Variants in MAML3 observed in about 807,000 individuals in gnomAD.
MAML3 encodes the protein mastermind like transcriptional coactivator 3, also known as mastermind-like protein 3.
MAML3 carries 27 observed loss-of-function variants against 101.9 expected under a neutral mutation model. The ratio of observed to expected loss-of-function variants is 0.27; its 90% confidence interval spans 0.20 to 0.37. MAML3 has a LOEUF of 0.37. Among genes scored for constraint, MAML3 ranks in the 10% least tolerant of loss-of-function variants. The pLI is 1.00. For missense variants in MAML3, 1,316 were observed against 1,444.9 expected (o/e 0.91, Z 1.45); for synonymous variants, 501 against 555.9 (o/e 0.90, Z 1.39).
rs147293073 is a variant in MAML3 at position 139,933,854 on chromosome 4, G to A, written c.469-42887C>T. On this transcript the variant is annotated intron_variant, in intron 1 of 4. Coordinates refer to ENST00000509479, the MANE Select transcript of MAML3 (RefSeq NM_018717.5). The stretch of plus-strand genomic sequence containing the variant: ...AGGAGTAGCACAGCAGGGAAGAGGC[G>A]TCCCAAAGGAAGAGGGATGGGGTGG... Among the ~76,000 whole-genome samples the A allele has an allele frequency of 4.7e-4, 72 of 152,302 alleles. 1 individual carries two copies. The East Asian group carries it at 5.0e-3, about 11-fold the overall frequency.
chr4:139,878,361 G>A (rs922155832), intron 2 of MAML3, among the ~76,000 whole-genome samples: 5 of 152,060 alleles, frequency 3.3e-5, no homozygotes, highest in East Asian at 1.9e-4. Context: ...CTGACTACTC[G>A]CTCCCTTGTA....
chr4:139,773,868 T>C (rs770888953), intron 2 of MAML3, among the ~76,000 whole-genome samples: 21 of 152,212 alleles, frequency 1.4e-4, no homozygotes, highest in Non-Finnish European at 2.6e-4. Context: ...TTGAAGAAGA[T>C]GACTGAGAAA....
chr4:139,720,459 A>G, intron 4 of MAML3, 136 bp from the exon 5 acceptor site: 1 of 800,406 alleles, frequency 1.2e-6, no homozygotes, highest in Non-Finnish European at 1.8e-6. Flanking sequence ...AATCTGTAAC[A>G]AAAATGATTA....
At chr4:140,087,550 C>T (rs1727973821) in intron 1 of MAML3, among the ~76,000 whole-genome samples, 2 of 152,160 alleles carry the variant, frequency 1.3e-5, no homozygotes, top group African/African-American at 4.8e-5. Flanking sequence ...TATATTGTAC[C>T]CATTTACAGA....
chr4:140,057,069 A>G (rs1727361307), intron 1 of MAML3, among the ~76,000 whole-genome samples: 2 of 152,142 alleles, frequency 1.3e-5, no homozygotes, highest in South Asian at 2.1e-4. Context: ...ATTTAAGCCA[A>G]CCAGTGCCCA....
intron 2 of MAML3, among the ~76,000 whole-genome samples, chr4:139,877,636 C>T (rs999292382): frequency 1.3e-5 from 2 of 152,098 alleles, no homozygotes; most frequent in Non-Finnish European, 2.9e-5. Context: ...AAAGCCCAAC[C>T]ATAAAGCACA....
rs921874313 is a variant in MAML3, at chr4:139,891,087, G to T, written c.469-120C>A. Reference sequence around the variant, plus strand: ...GTGGTTTACGACACACAGGAAAGAAGTCATACTTATAATTTCAAAATCAGG... The same window carrying T: ...GTGGTTTACGACACACAGGAAAGAATTCATACTTATAATTTCAAAATCAGG... On this transcript the variant is annotated intron_variant, in intron 1 of 4. Coordinates refer to ENST00000509479, the MANE Select transcript of MAML3 (RefSeq NM_018717.5). 4 of 1,179,478 alleles carry T rather than the reference G, an allele frequency of 3.4e-6. No homozygotes were observed. The East Asian group carries it at 7.7e-5, about 23-fold the overall frequency. 73.1% of individuals were successfully genotyped at this position (1,179,478 alleles called of 1,614,324 possible).
chr4:139,977,493 T>C (rs934175793), intron 1 of MAML3, among the ~76,000 whole-genome samples: 1 of 152,192 alleles, frequency 6.6e-6, no homozygotes, highest in Non-Finnish European at 1.5e-5. Flanking sequence ...TGTTTAAAAA[T>C]GCAGTCAGAC....
chr4:140,030,263 T>C (rs3733385), intron 1 of MAML3, among the ~76,000 whole-genome samples: 37,733 of 152,120 alleles, frequency 0.25, 5,916 homozygotes, highest in Non-Finnish European at 0.35. Context: ...GGCAGCTTCC[T>C]TGGAGACAGG....
intron 1 of MAML3, among the ~76,000 whole-genome samples, chr4:140,049,483 A>T (rs1727233268): frequency 6.6e-6 from 1 of 152,164 alleles, no homozygotes; most frequent in Admixed American, 6.5e-5. Flanking sequence ...AAAACGAGCC[A>T]CTCACTCACA....
At chr4:139,781,121 G>A (rs536330253) in intron 2 of MAML3, among the ~76,000 whole-genome samples, 49 of 152,236 alleles carry the variant, frequency 3.2e-4, no homozygotes, top group Admixed American at 6.5e-4. Flanking sequence ...TGCTTGAATT[G>A]TGTATTATAA....
intron 1 of MAML3, among the ~76,000 whole-genome samples, chr4:140,128,638 C>T (rs531589845): frequency 1.3e-5 from 2 of 152,334 alleles, no homozygotes; most frequent in African/African-American, 4.8e-5. Flanking sequence ...GCTATCCCCA[C>T]ACAAAGGCAG....
At chr4:139,916,166 C>T (rs1578595446) in intron 1 of MAML3, among the ~76,000 whole-genome samples, 1 of 152,316 alleles carries the variant, frequency 6.6e-6, no homozygotes, top group South Asian at 2.1e-4. Flanking sequence ...CTGTTACAAG[C>T]CTCACCACTT....
At chr4:139,730,336 C>T (rs898786147) in intron 3 of MAML3, 80 bp downstream of exon 3, 21 of 1,287,436 alleles carry the variant, frequency 1.6e-5, no homozygotes, top group East Asian at 7.6e-5. Flanking sequence ...TGTGAACTGC[C>T]ACTTCCTCAC....
At chr4:140,096,217 A>G (rs1245113755) in intron 1 of MAML3, among the ~76,000 whole-genome samples, 1 of 152,208 alleles carries the variant, frequency 6.6e-6, no homozygotes, top group Non-Finnish European at 1.5e-5. Flanking sequence ...TGGGGTACTT[A>G]ATAACTTGAT....
intron 1 of MAML3, among the ~76,000 whole-genome samples, chr4:139,975,931 T>C (rs1270298418): frequency 6.6e-6 from 1 of 152,168 alleles, no homozygotes; most frequent in Non-Finnish European, 1.5e-5. Flanking sequence ...ATTAGGAGAA[T>C]GTTAGGGGCA....
At chr4:140,096,514 G>T (rs989713930) in intron 1 of MAML3, among the ~76,000 whole-genome samples, 1 of 151,932 alleles carries the variant, frequency 6.6e-6, no homozygotes, top group African/African-American at 2.4e-5. Context: ...CTGCATTCAG[G>T]GCCTATTTAT....
intron 1 of MAML3, among the ~76,000 whole-genome samples, chr4:139,911,114 C>T (rs773746843): frequency 2.0e-5 from 3 of 152,174 alleles, no homozygotes; most frequent in East Asian, 1.9e-4. Context: ...AACTACTCTA[C>T]GTACCTCACA....
chr4:139,872,800 G>A lies in MAML3; in HGVS notation c.2079+16557C>T, dbSNP rs567734921. Reference sequence around the variant, plus strand: ...GAGTTAAAAAAATAATCACACGGCCGGGCACAGTGGTTCATGCCTGTAATC... The same window carrying A: ...GAGTTAAAAAAATAATCACACGGCCAGGCACAGTGGTTCATGCCTGTAATC... On this transcript the variant is annotated intron_variant, in intron 2 of 4. Transcript: ENST00000509479. Among the ~76,000 whole-genome samples, 22 of 152,130 alleles carry A rather than the reference G, an allele frequency of 1.4e-4. No individual in the cohort carries two copies. In the South Asian group the frequency reaches 4.4e-3, roughly 30 times the overall value.
Sources: allele counts gnomAD v4.1 joint callset (sites outside exome capture counted in the v4.1 genomes callset), GRCh38; gene constraint gnomAD v4.1.1; transcripts MANE v1.5; gene names NCBI Gene and HGNC (gene_info 2026-07-23, HGNC 2026-07-21).